NLGN1: variants seen among roughly 807,000 people sequenced by gnomAD.
NLGN1 encodes neuroligin-1.
NLGN1 carries 12 observed loss-of-function variants against 65.5 expected under a neutral mutation model. The observed-to-expected ratio is 0.18, with a 90% CI of 0.12 to 0.30. NLGN1 has a LOEUF of 0.30. Ranked by LOEUF, NLGN1 falls within the 10% of genes least tolerant of loss-of-function variation. The pLI is 1.00. For synonymous variants in NLGN1, 350 were observed against 359.5 expected (o/e 0.97, Z 0.30); for missense variants, 750 against 1,007.1 (o/e 0.74, Z 3.46).
intron 3 of NLGN1, among the ~76,000 whole-genome samples, chr3:173,778,017 C>T (rs1334957827): frequency 6.6e-6 from 1 of 151,718 alleles, no homozygotes; most frequent in Non-Finnish European, 1.5e-5. Context: ...AGTACTATAA[C>T]CCAATGAAGC....
intron 3 of NLGN1, among the ~76,000 whole-genome samples, chr3:173,690,843 G>T (rs1230216197): frequency 6.6e-6 from 1 of 152,172 alleles, no homozygotes; most frequent in Non-Finnish European, 1.5e-5. Context: ...AGCCAAGTGT[G>T]GTTAGGGAAA....
rs532873970 is a variant in NLGN1, at chr3:173,921,993, A to G, written c.646+114161A>G. On this transcript the variant is annotated intron_variant, in intron 4 of 6. Transcript: ENST00000457714. ...CAGAGCCCAATTCAGGGCCTTAGCA[A>G]CCCAGGGTGGTGCTACATAATTCCT... 2.0e-5 allele frequency among the ~76,000 whole-genome samples: 3 copies of G among 152,156 alleles called. No individual in the cohort carries two copies. The East Asian group carries it at 5.8e-4, about 29-fold the overall frequency.
intron 2 of NLGN1, among the ~76,000 whole-genome samples, chr3:173,552,217 GCTGACCA>G (rs987836132): frequency 5.9e-5 from 9 of 152,160 alleles, no homozygotes; most frequent in Non-Finnish European, 1.3e-4. Flanking sequence ...TATAGTAAGA[GCTGACCA>G]CTGGGGAGGA....
At chr3:173,876,861 A>G (rs1479893474) in intron 4 of NLGN1, among the ~76,000 whole-genome samples, 1 of 152,182 alleles carries the variant, frequency 6.6e-6, no homozygotes, top group African/African-American at 2.4e-5. Context: ...ATAAATGCAT[A>G]AATGTCATGG....
chr3:174,136,235 G>C (rs1721182732), intron 4 of NLGN1, among the ~76,000 whole-genome samples: 2 of 152,070 alleles, frequency 1.3e-5, no homozygotes, highest in South Asian at 4.1e-4. Context: ...TTAATATTAA[G>C]AACAGGAAAA....
chr3:174,261,319 A>G (rs1443635894), intron 4 of NLGN1, among the ~76,000 whole-genome samples: 17 of 147,318 alleles, frequency 1.2e-4, no homozygotes, highest in Non-Finnish European at 9.0e-5. Flanking sequence ...ACCCATGAGC[A>G]TGGAATGTTC....
intron 4 of NLGN1, among the ~76,000 whole-genome samples, chr3:173,968,902 T>C (rs1844879): frequency 0.16 from 24,791 of 151,342 alleles, 2,402 homozygotes; most frequent in East Asian, 0.37. Flanking sequence ...GGTTTTACCA[T>C]GTTGGCCAGG....
In NLGN1 at chr3:173,963,085, C is replaced by T. The variant is rs959716215; in HGVS notation, c.646+155253C>T. On this transcript the variant is annotated intron_variant, in intron 4 of 6. Transcript: ENST00000457714. Reference sequence around the variant, plus strand: ...ATAATATGCTACCATTTATTACACTCTTGCTGTGTTCCAGGCCTTTAAAAT... The same window carrying T: ...ATAATATGCTACCATTTATTACACTTTTGCTGTGTTCCAGGCCTTTAAAAT... Among the ~76,000 whole-genome samples the T allele has an allele frequency of 2.6e-5, 4 of 152,114 alleles. No homozygotes were observed. The East Asian group carries it at 5.8e-4, about 22-fold the overall frequency.
chr3:173,787,103 T>C (rs1388101850), intron 3 of NLGN1, among the ~76,000 whole-genome samples: 1 of 151,912 alleles, frequency 6.6e-6, no homozygotes, highest in African/African-American at 2.4e-5. Flanking sequence ...AAGAAAGATA[T>C]TGGAGTGATT....
At chr3:173,488,970 C>T (rs1728617966) in intron 2 of NLGN1, among the ~76,000 whole-genome samples, 1 of 151,054 alleles carries the variant, frequency 6.6e-6, no homozygotes, top group Non-Finnish European at 1.5e-5. Flanking sequence ...TTTAGTTAAA[C>T]TTTCATTTCA....
chr3:174,276,653 A>C (rs1750650281), intron 5 of NLGN1, among the ~76,000 whole-genome samples: 1 of 151,904 alleles, frequency 6.6e-6, no homozygotes, highest in African/African-American at 2.4e-5. Context: ...CAGTCATTAA[A>C]TGAATCCATG....
chr3:174,111,049 G>A (rs761395285), intron 4 of NLGN1, among the ~76,000 whole-genome samples: 1 of 151,906 alleles, frequency 6.6e-6, no homozygotes, highest in Non-Finnish European at 1.5e-5. Context: ...AATTTCTCAT[G>A]GATTGGCCAG....
chr3:173,905,704 G>C (rs1738241492), intron 4 of NLGN1, among the ~76,000 whole-genome samples: 1 of 152,140 alleles, frequency 6.6e-6, no homozygotes, highest in East Asian at 1.9e-4. Flanking sequence ...AATAACAGAA[G>C]ACATGGATCC....
chr3:173,604,023 G>A (rs886687086), intron 2 of NLGN1, among the ~76,000 whole-genome samples: 3 of 152,088 alleles, frequency 2.0e-5, no homozygotes, highest in African/African-American at 7.2e-5. Flanking sequence ...ACTGTGACAT[G>A]TTTCTAAAAC....
intron 2 of NLGN1, among the ~76,000 whole-genome samples, chr3:173,455,592 G>A (rs773863777): frequency 6.6e-6 from 1 of 152,076 alleles, no homozygotes; most frequent in African/African-American, 2.4e-5. Flanking sequence ...TGGAAAAATG[G>A]TGCTGATAGA....
intron 4 of NLGN1, among the ~76,000 whole-genome samples, chr3:174,212,348 C>A (rs1424100564): frequency 6.6e-6 from 1 of 152,220 alleles, no homozygotes; most frequent in Admixed American, 6.5e-5. Context: ...CCCGCCCGCG[C>A]CTCTCCCTCC....
intron 2 of NLGN1, among the ~76,000 whole-genome samples, chr3:173,440,893 A>G (rs756541083): frequency 1.3e-5 from 2 of 152,336 alleles, no homozygotes; most frequent in African/African-American, 2.4e-5. Flanking sequence ...CTCTCTAGCT[A>G]TGAAAGTCTT....
At chr3:173,937,174 A>G (rs1745218211) in intron 4 of NLGN1, among the ~76,000 whole-genome samples, 1 of 152,066 alleles carries the variant, frequency 6.6e-6, no homozygotes, top group Non-Finnish European at 1.5e-5. Context: ...CAAAATTAGG[A>G]TTCACTGGCT....
intron 1 of NLGN1, among the ~76,000 whole-genome samples, chr3:173,419,471 G>A (rs1329943315): frequency 6.6e-6 from 1 of 151,970 alleles, no homozygotes; most frequent in African/African-American, 2.4e-5. Context: ...TTTTGTTTAT[G>A]ATCATGCTGA....
Sources: gnomAD v4.1 joint callset for allele counts (sites outside exome capture counted in the v4.1 genomes callset) on GRCh38, gnomAD v4.1.1 for gene constraint, MANE v1.5 for transcripts, NCBI Gene and HGNC (gene_info 2026-07-23, HGNC 2026-07-21) for gene names.